FBXL20: variants seen among roughly 807,000 people sequenced by gnomAD.
FBXL20 encodes F-box/LRR-repeat protein 20.
FBXL20 carries 11 observed loss-of-function variants against 64.0 expected under a neutral mutation model. The ratio of observed to expected loss-of-function variants is 0.17; its 90% CI spans 0.11 to 0.28. The LOEUF (loss-of-function observed/expected upper bound fraction) is 0.28. Among genes scored for constraint, FBXL20 ranks in the 10% least tolerant of loss-of-function variants. The pLI, the probability that FBXL20 is intolerant of heterozygous loss-of-function variation, is 1.00. For synonymous variants in FBXL20, 184 were observed against 189.0 expected (o/e 0.97, Z 0.22); for missense variants, 303 against 526.2 (o/e 0.58, Z 4.15).
Position 39,401,499 on chromosome 17 carries a change from GGC to G in FBXL20, c.-99_-98del. On this transcript the variant is annotated 5_prime_UTR_variant, in exon 1 of 15. Transcript: ENST00000264658. ...CCCGGGAGTTCCGGGACGGGGACTG[GGC>G]GCCGGAGGGGTGACGCCGGGACCGT... 1 of 1,502,180 alleles carries G rather than the reference GGC, an allele frequency of 6.7e-7. No homozygotes were observed. Among genetic ancestry groups the G allele is most frequent in the Non-Finnish European group, 8.8e-7 (1 of 1,132,282 alleles). 93.1% of individuals were successfully genotyped at this position (1,502,180 alleles called of 1,614,324 possible).
chr17:39,402,315 C>G (rs1362347324), upstream of FBXL20: 1 of 852,702 alleles, frequency 1.2e-6, no homozygotes, highest in Non-Finnish European at 1.6e-6. Flanking sequence ...GCCTCCCCCG[C>G]CCCAGTGCAT....
At chr17:39,315,737 GTC>G in intron 2 of FBXL20, among the ~76,000 whole-genome samples, 1 of 151,988 alleles carries the variant, frequency 6.6e-6, no homozygotes, top group South Asian at 2.1e-4. Flanking sequence ...GCAGGACTTT[GTC>G]CGTGCAACAG....
At position 39,370,309 on chromosome 17, in the gene FBXL20, G is replaced by A. The variant is rs189749464; in HGVS notation, c.43-27068C>T. ...AGTTCGAGACCAGCCTGGCCAACATGGCAAAACCCAGTCTCTACCAAAAAT... is the reference window on the plus strand; with the variant it reads ...AGTTCGAGACCAGCCTGGCCAACATAGCAAAACCCAGTCTCTACCAAAAAT... On this transcript the variant is annotated intron_variant, in intron 1 of 14. Transcript: ENST00000264658. Among the ~76,000 whole-genome samples the A allele has an allele frequency of 5.4e-3, 804 of 149,566 alleles. 3 individuals carry two copies. The highest frequency in any genetic ancestry group is 9.0e-3 in the Non-Finnish European group (608 of 67,490).
At chr17:39,269,790 G>A (rs912740007) in intron 11 of FBXL20, among the ~76,000 whole-genome samples, 20 of 151,980 alleles carry the variant, frequency 1.3e-4, no homozygotes, top group Non-Finnish European at 1.5e-4. Context: ...GAGCCACCGC[G>A]CCCGGCCTTT....
intron 6 of FBXL20, among the ~76,000 whole-genome samples, chr17:39,286,903 CTATT>C (rs1462962746): frequency 1.2e-4 from 18 of 145,434 alleles, no homozygotes; most frequent in African/African-American, 3.3e-4. Context: ...ATTTCAGTAT[CTATT>C]TCTTTTTTTT....
At chr17:39,286,866 T>C (rs2144401799) in intron 6 of FBXL20, among the ~76,000 whole-genome samples, 1 of 152,096 alleles carries the variant, frequency 6.6e-6, no homozygotes, top group African/African-American at 2.4e-5. Flanking sequence ...TAAAGCCAAT[T>C]CCACACATAT....
chr17:39,337,327 G>C (rs140513518), intron 2 of FBXL20, among the ~76,000 whole-genome samples: 8,093 of 152,004 alleles, frequency 0.053, 240 homozygotes, highest in Non-Finnish European at 0.078. Context: ...GTGTGATCTC[G>C]GCTCGCTACA....
intron 11 of FBXL20, among the ~76,000 whole-genome samples, chr17:39,269,436 G>A (rs34819548): frequency 0.052 from 7,839 of 151,026 alleles, 659 homozygotes; most frequent in African/African-American, 0.18. Context: ...CTCGTGATCC[G>A]CCCGCCTCGG....
At chr17:39,397,423 T>C (rs1380594047) in intron 1 of FBXL20, among the ~76,000 whole-genome samples, 1 of 152,196 alleles carries the variant, frequency 6.6e-6, no homozygotes, top group African/African-American at 2.4e-5. Flanking sequence ...TAAAATGGTA[T>C]CTGAATGTCA....
chr17:39,296,867 A>C (rs547656164), intron 6 of FBXL20, among the ~76,000 whole-genome samples: 16 of 152,188 alleles, frequency 1.1e-4, no homozygotes, highest in Admixed American at 9.2e-4. Flanking sequence ...AATCCCAGTA[A>C]TATGTATTAT....
intron 2 of FBXL20, among the ~76,000 whole-genome samples, chr17:39,330,609 C>T (rs189259990): frequency 3.3e-5 from 5 of 152,062 alleles, no homozygotes; most frequent in Non-Finnish European, 5.9e-5. Context: ...AGCAAGACTC[C>T]ATCTCAAAAA....
At chr17:39,349,203 G>A (rs2144585833) in intron 1 of FBXL20, among the ~76,000 whole-genome samples, 1 of 151,834 alleles carries the variant, frequency 6.6e-6, no homozygotes, top group African/African-American at 2.4e-5. Flanking sequence ...AGTGAGCTGA[G>A]ATCATGCCAC....
intron 1 of FBXL20, among the ~76,000 whole-genome samples, chr17:39,386,220 T>C (rs1471803035): frequency 3.3e-5 from 5 of 151,316 alleles, no homozygotes; most frequent in African/African-American, 9.7e-5. Flanking sequence ...GGCAGGAGAA[T>C]CTCTTGAACC....
chr17:39,372,412 G>A (rs2047926673), intron 1 of FBXL20, among the ~76,000 whole-genome samples: 2 of 149,582 alleles, frequency 1.3e-5, no homozygotes, highest in African/African-American at 4.9e-5. Flanking sequence ...CCAGCTACTT[G>A]GGAGGCTGAG....
chr17:39,357,358 G>A (rs998060494), intron 1 of FBXL20, among the ~76,000 whole-genome samples: 1 of 150,320 alleles, frequency 6.7e-6, no homozygotes, highest in Non-Finnish European at 1.5e-5. Context: ...CATAAATGTT[G>A]GCATTATTTC....
intron 1 of FBXL20, among the ~76,000 whole-genome samples, chr17:39,366,115 T>C (rs2047857612): frequency 6.6e-6 from 1 of 152,098 alleles, no homozygotes; most frequent in Admixed American, 6.6e-5. Flanking sequence ...GTAGCTGAAA[T>C]TACAGTACAT....
intron 1 of FBXL20, among the ~76,000 whole-genome samples, chr17:39,368,037 C>CA (rs1652471115): frequency 6.6e-6 from 1 of 152,052 alleles, no homozygotes; most frequent in African/African-American, 2.4e-5. Flanking sequence ...CTCAGCCTCT[C>CA]AAAGTGCTGG....
intron 9 of FBXL20, among the ~76,000 whole-genome samples, chr17:39,278,222 C>T (rs1052954958): frequency 6.6e-6 from 1 of 151,558 alleles, no homozygotes; most frequent in Non-Finnish European, 1.5e-5. Context: ...CTTGGCTCAC[C>T]GCTACATCTG....
intron 1 of FBXL20, among the ~76,000 whole-genome samples, chr17:39,397,762 T>C (rs2048197659): frequency 6.7e-6 from 1 of 149,060 alleles, no homozygotes; most frequent in Non-Finnish European, 1.5e-5. Flanking sequence ...CAAAATAAAA[T>C]AAAATGGATG....
Sources: gnomAD v4.1 joint callset for allele counts (sites outside exome capture counted in the v4.1 genomes callset) on GRCh38, gnomAD v4.1.1 for gene constraint, MANE v1.5 for transcripts, NCBI Gene and HGNC (gene_info 2026-07-23, HGNC 2026-07-21) for gene names.